The following VTI1A variants were observed in gnomAD, a reference collection of about 807,000 sequenced individuals.
VTI1A encodes vesicle transport through interaction with t-SNAREs 1A.
In VTI1A, 22 loss-of-function variants were observed where a neutral mutation model predicts 34.9. The ratio of observed to expected loss-of-function variants is 0.63; its 90% CI spans 0.45 to 0.90. VTI1A has a LOEUF of 0.90. Among genes scored for constraint, VTI1A ranks in the 40% least tolerant of loss-of-function variants. The probability of loss-of-function intolerance (pLI) is 0.00; values close to 1 mark genes in which losing one functional copy is unlikely to be tolerated. For missense variants in VTI1A, 268 were observed against 275.6 expected (o/e 0.97, Z 0.20); for synonymous variants, 87 against 97.3 (o/e 0.89, Z 0.62).
chr10:112,763,363 C>T (rs1456257882), intron 7 of VTI1A, among the ~76,000 whole-genome samples: 1 of 150,302 alleles, frequency 6.7e-6, no homozygotes, highest in African/African-American at 2.5e-5. Flanking sequence ...TGGGTGAACC[C>T]GGGAGGCAGA....
intron 7 of VTI1A, among the ~76,000 whole-genome samples, chr10:112,713,955 G>A (rs1450740181): frequency 2.6e-5 from 4 of 151,972 alleles, no homozygotes; most frequent in Non-Finnish European, 1.5e-5. Context: ...AGAGGTCTTC[G>A]GTGCTCCCCG....
intron 7 of VTI1A, among the ~76,000 whole-genome samples, chr10:112,753,575 A>G (rs1021767562): frequency 6.6e-6 from 1 of 152,096 alleles, no homozygotes; most frequent in Non-Finnish European, 1.5e-5. Context: ...TTTTTCCATC[A>G]TTGTTTTCAT....
chr10:112,802,588 A>T (rs947307399), intron 7 of VTI1A, among the ~76,000 whole-genome samples: 6 of 152,216 alleles, frequency 3.9e-5, no homozygotes, highest in African/African-American at 1.2e-4. Context: ...CCCTGCTGCC[A>T]TGGCTGCAGC....
intron 7 of VTI1A, among the ~76,000 whole-genome samples, chr10:112,692,904 C>T (rs1396290750): frequency 1.1e-4 from 17 of 152,198 alleles, no homozygotes; most frequent in Admixed American, 3.3e-4. Context: ...AGGACAGGGA[C>T]GAGCTTTCAT....
At chr10:112,464,234 G>C (rs952992803) in intron 2 of VTI1A, among the ~76,000 whole-genome samples, 1 of 152,206 alleles carries the variant, frequency 6.6e-6, no homozygotes, top group African/African-American at 2.4e-5. Context: ...CTGACCTCAA[G>C]TGATCCACCC....
chr10:112,814,923 C>T (rs1853456583), intron 7 of VTI1A, among the ~76,000 whole-genome samples: 1 of 152,096 alleles, frequency 6.6e-6, no homozygotes, highest in Non-Finnish European at 1.5e-5. Flanking sequence ...AAAAATGAGG[C>T]TTGTCTCGCC....
At chr10:112,791,948 T>C (rs1421406455) in intron 7 of VTI1A, among the ~76,000 whole-genome samples, 2 of 152,028 alleles carry the variant, frequency 1.3e-5, no homozygotes, top group East Asian at 1.9e-4. Flanking sequence ...AATAGACACA[T>C]TTATAGGAAA....
At chr10:112,508,969 G>T (rs1319060574) in intron 3 of VTI1A, among the ~76,000 whole-genome samples, 1 of 152,186 alleles carries the variant, frequency 6.6e-6, no homozygotes, top group Non-Finnish European at 1.5e-5. Context: ...GAGCCAAGAA[G>T]AACTGGAATA....
chr10:112,496,944 T>G (rs1474988439), intron 3 of VTI1A, among the ~76,000 whole-genome samples: 3 of 152,214 alleles, frequency 2.0e-5, no homozygotes, highest in Non-Finnish European at 4.4e-5. Flanking sequence ...TAGCTATTCT[T>G]TCTTTGGCAA....
chr10:112,714,918 A>G (rs1044979828), intron 7 of VTI1A, among the ~76,000 whole-genome samples: 1 of 152,232 alleles, frequency 6.6e-6, no homozygotes. Flanking sequence ...CACCGTGTTC[A>G]TGGTTCTCTT....
intron 4 of VTI1A, among the ~76,000 whole-genome samples, chr10:112,531,098 C>T (rs1213808198): frequency 6.8e-6 from 1 of 147,870 alleles, no homozygotes; most frequent in African/African-American, 2.6e-5. Flanking sequence ...CACACACACA[C>T]ACACACGTGC....
intron 3 of VTI1A, among the ~76,000 whole-genome samples, chr10:112,496,813 A>G (rs1849041933): frequency 6.6e-6 from 1 of 152,200 alleles, no homozygotes; most frequent in African/African-American, 2.4e-5. Flanking sequence ...ATGTGATCAC[A>G]ACCACTTAAA....
chr10:112,586,391 T>C (rs1395791429), intron 5 of VTI1A, among the ~76,000 whole-genome samples: 3 of 152,154 alleles, frequency 2.0e-5, no homozygotes, highest in Non-Finnish European at 4.4e-5. Flanking sequence ...TGGTGCGAAG[T>C]GGGCGTTTTT....
At chr10:112,620,887 G>A (rs1340650124) in intron 5 of VTI1A, among the ~76,000 whole-genome samples, 1 of 152,130 alleles carries the variant, frequency 6.6e-6, no homozygotes, top group East Asian at 1.9e-4. Context: ...AGTGTCCAGA[G>A]GCATGAAGTG....
intron 5 of VTI1A, among the ~76,000 whole-genome samples, chr10:112,641,004 A>G (rs936472468): frequency 1.3e-5 from 2 of 152,296 alleles, no homozygotes; most frequent in Non-Finnish European, 1.5e-5. Context: ...CTGTTTTCAT[A>G]TAACTTCAAA....
chr10:112,699,552 G>A (rs1249094830), intron 7 of VTI1A, among the ~76,000 whole-genome samples: 1 of 152,268 alleles, frequency 6.6e-6, no homozygotes, highest in African/African-American at 2.4e-5. Context: ...ACTGGGAGGA[G>A]CCGGGCATGG....
chr10:112,853,105 A>G, the VTI1A span, among the ~76,000 whole-genome samples: 3 of 152,162 alleles, frequency 2.0e-5, no homozygotes, highest in African/African-American at 4.8e-5. Context: ...TCAAAGTGCC[A>G]TGTTCTCCTT....
intron 3 of VTI1A, among the ~76,000 whole-genome samples, chr10:112,490,309 C>G (rs1013444900): frequency 2.0e-5 from 3 of 152,290 alleles, no homozygotes; most frequent in Non-Finnish European, 2.9e-5. Context: ...ATAGCCATCT[C>G]CAGTTTGGCT....
chr10:112,552,608 TAA>T (rs113532693), intron 5 of VTI1A, among the ~76,000 whole-genome samples: 3 of 142,222 alleles, frequency 2.1e-5, no homozygotes, highest in African/African-American at 7.6e-5. Flanking sequence ...AGAGACCTTT[TAA>T]AAAAAAAAAA....
Sources: allele counts gnomAD v4.1 joint callset (sites outside exome capture counted in the v4.1 genomes callset), GRCh38; gene constraint gnomAD v4.1.1; transcripts MANE v1.5; gene names NCBI Gene and HGNC (gene_info 2026-07-23, HGNC 2026-07-21).